Variants in DRP2 observed in about 807,000 individuals in gnomAD.
DRP2 encodes dystrophin related protein 2.
In DRP2, 29 loss-of-function variants were observed where a neutral mutation model predicts 78.2. The observed-to-expected ratio is 0.37, with a 90% confidence interval of 0.28 to 0.51. DRP2 has a LOEUF of 0.51. Ranked by LOEUF, DRP2 falls within the 20% of genes least tolerant of loss-of-function variation. The pLI is 0.94. For synonymous variants in DRP2, 290 were observed against 281.9 expected (o/e 1.03, Z -0.29); for missense variants, 686 against 770.6 (o/e 0.89, Z 1.30).
chrX:101,254,626 G>A, intron 18 of DRP2, 65 bp downstream of exon 18: 1 of 1,193,297 alleles, frequency 8.4e-7, no homozygotes, highest in Admixed American at 2.2e-5. Flanking sequence ...ATGCTGTGAA[G>A]GGGCTGAGTC....
intron 6 of DRP2, 89 bp from the exon 7 acceptor site, chrX:101,241,579 C>G (rs1239031659): frequency 1.1e-5 from 12 of 1,045,993 alleles, no homozygotes; most frequent in African/African-American, 1.1e-4. Flanking sequence ...CACACATACA[C>G]ACACATTTTA....
At chrX:101,245,853 A>G (rs1922915933) in intron 11 of DRP2, among the ~76,000 whole-genome samples, 1 of 111,908 alleles carries the variant, frequency 8.9e-6, no homozygotes, top group Admixed American at 9.5e-5. Context: ...CATATTACCT[A>G]TAGTGAACAA....
At chrX:101,235,764 T>C (rs1922476629) in intron 3 of DRP2, 96 bp from the exon 4 acceptor site, 1 of 927,875 alleles carries the variant, frequency 1.1e-6, no homozygotes, top group Non-Finnish European at 1.5e-6. Context: ...CAGCAACCCT[T>C]CTCTCCCCTT....
chrX:101,233,218 G>T (rs1433531479), intron 3 of DRP2, among the ~76,000 whole-genome samples: 1 of 112,077 alleles, frequency 8.9e-6, no homozygotes, highest in Non-Finnish European at 1.9e-5. Context: ...TGCAGGGAAT[G>T]CAAAGCTAAC....
At chrX:101,259,779 T>A (rs780525645) in intron 22 of DRP2, among the ~76,000 whole-genome samples, 2 of 112,293 alleles carry the variant, frequency 1.8e-5, no homozygotes, top group East Asian at 5.6e-4. Flanking sequence ...ATTACAGGCG[T>A]GAGCCACCGC....
chrX:101,231,409 T>C (rs1043508018), intron 2 of DRP2, 176 bp from the exon 3 acceptor site: 4 of 397,958 alleles, frequency 1.0e-5, no homozygotes, highest in Non-Finnish European at 1.8e-5. Flanking sequence ...AGGTAAACAA[T>C]AAATGCTTCC....
At chrX:101,223,619 T>C (rs1247213220) in intron 1 of DRP2, among the ~76,000 whole-genome samples, 1 of 112,619 alleles carries the variant, frequency 8.9e-6, no homozygotes, top group Non-Finnish European at 1.9e-5. Context: ...AATAGTTTAC[T>C]AACTTACACT....
At chrX:101,256,398 G>A in intron 21 of DRP2, 137 bp downstream of exon 21, 2 of 632,978 alleles carry the variant, frequency 3.2e-6, no homozygotes, top group Non-Finnish European at 4.5e-6. Flanking sequence ...TTCCTTATCT[G>A]TAAAACGGGG....
rs757862034 is a variant in DRP2, at chrX:101,239,829, G to A, written c.559+728G>A. Among the ~76,000 whole-genome samples the A allele has an allele frequency of 1.8e-4, 20 of 111,188 alleles. No homozygotes were observed. The East Asian group carries it at 4.8e-3, about 27-fold the overall frequency. Reference sequence around the variant, plus strand: ...CCTGACCTCGTGATCCACCCACCTCGGCCTCCCAAAGTGCTGGGATTACAG... The same window carrying A: ...CCTGACCTCGTGATCCACCCACCTCAGCCTCCCAAAGTGCTGGGATTACAG... On this transcript the variant is annotated intron_variant, in intron 6 of 23. Coordinates refer to ENST00000395209, the MANE Select transcript of DRP2 (RefSeq NM_001939.3).
Position 101,260,185 on chromosome X carries a change from C to T in DRP2, c.2749+16C>T. On this transcript the variant is annotated intron_variant, in intron 23 of 23. Coordinates refer to ENST00000395209, the MANE Select transcript of DRP2 (RefSeq NM_001939.3). ...GAGGCTGCAGGTGAGTTCCCCTGGC[C>T]TTTCCCAGCCCCTTTCTCCATGGCT... is the stretch of plus-strand genomic sequence containing the variant. 8.3e-7 allele frequency: 1 copy of T among 1,209,555 alleles called. No individual in the cohort carries two copies. Among genetic ancestry groups the T allele is most frequent in the Non-Finnish European group, 1.1e-6 (1 of 894,461 alleles).
At chrX:101,235,590 C>G (rs1922469226) in intron 3 of DRP2, among the ~76,000 whole-genome samples, 1 of 112,403 alleles carries the variant, frequency 8.9e-6, no homozygotes, top group Non-Finnish European at 1.9e-5. Flanking sequence ...GAATGTTAAC[C>G]TTTCCCTAGG....
intron 5 of DRP2, 32 bp from the exon 6 acceptor site, chrX:101,238,949 T>C (rs1922608394): frequency 1.7e-6 from 2 of 1,196,494 alleles, no homozygotes; most frequent in African/African-American, 3.5e-5. Context: ...AAAACTTTCC[T>C]TTCCTGTTGA....
intron 2 of DRP2, among the ~76,000 whole-genome samples, chrX:101,229,322 G>C (rs1298237183): frequency 9.0e-6 from 1 of 111,668 alleles, no homozygotes; most frequent in East Asian, 2.8e-4. Flanking sequence ...TCACAGAGGA[G>C]CCATATTTTC....
rs775703252 is a variant in DRP2, at chrX:101,242,359, G to A, written c.863G>A (p.Gly288Glu). Residue 288 changes from glycine to glutamate, a missense_variant, in exon 8 of 24, where the codon GGA becomes GAA. Transcript: ENST00000395209. ...FKEEFSPMKDGVKLVNDLAHQ... is the reference protein window; with the variant it reads ...FKEEFSPMKDEVKLVNDLAHQ... ...GAAGAATTCTCCCCCATGAAAGATG[G>A]AGTAAAGTTGGTGAATGATCTGGCC... The A allele has an allele frequency of 2.5e-6, 3 of 1,211,427 alleles. No individual in the cohort carries two copies. Among genetic ancestry groups the A allele is most frequent in the South Asian group, 1.8e-5 (1 of 56,797 alleles).
Position 101,256,276 on chromosome X carries a change from A to T in DRP2, c.2390+15A>T, listed in dbSNP as rs754082906. On this transcript the variant is annotated intron_variant, in intron 21 of 23. Transcript: ENST00000395209. ...GATGAGAACCGGTGGGTGTGATGAT[A>T]GCAGAAATCTGTGTGGGTTCTTGAG... 1 of 1,157,706 alleles carries T rather than the reference A, an allele frequency of 8.6e-7. No individual in the cohort carries two copies. Among genetic ancestry groups the T allele is most frequent in the African/African-American group, 1.8e-5 (1 of 55,604 alleles).
In DRP2 at chrX:101,260,057, C is replaced by G; in HGVS notation, c.2637C>G (p.Thr879=). 8.3e-7 allele frequency: 1 copy of G among 1,211,371 alleles called. No individual in the cohort carries two copies. The highest frequency in any genetic ancestry group is 1.1e-6 in the Non-Finnish European group (1 of 895,338). ...GCCTTACCTCTTGCTAGCCACCCAC[C>G]GAATCAGATGGCAGTGGCTCTGCAG... The part of the protein sequence containing the change: ...RLRELLLQPP[T]ESDGSGSAGS... The change falls in exon 23 of 24, where the codon ACC becomes ACG. Residue 879 remains threonine (T), a synonymous_variant. Transcript: ENST00000395209.
rs201671445 is a variant in DRP2 at position 101,260,105 on chromosome X, A to G, written c.2685A>G (p.Pro895=). The change falls in exon 23 of 24, where the codon CCA becomes CCG. Residue 895 remains proline, a synonymous_variant. Transcript: ENST00000395209. ...CAGGCTCGTCCCTAGCTTCCTCTCC[A>G]CAGCAGTCAGAAGGCAGTCACCCCC... ...GSAGSSLASS[P]QQSEGSHPRE... is the part of the protein sequence containing the mutation. 64 of 1,208,984 alleles carry G rather than the reference A, an allele frequency of 5.3e-5. No individual in the cohort carries two copies. The highest frequency in any genetic ancestry group is 2.2e-4 in the Admixed American group (10 of 45,675).
At chrX:101,258,199 G>A (rs1204322973) in intron 21 of DRP2, 110 bp from the exon 22 acceptor site, 2 of 635,804 alleles carry the variant, frequency 3.1e-6, no homozygotes, top group East Asian at 7.2e-5. Flanking sequence ...GGGTGAGGTA[G>A]GGTGGAAGAG....
chrX:101,237,344 C>T (rs1465790364), intron 4 of DRP2, among the ~76,000 whole-genome samples: 1 of 111,314 alleles, frequency 9.0e-6, no homozygotes, highest in Non-Finnish European at 1.9e-5. Flanking sequence ...AACTGAGATC[C>T]ACAAAGTGAC....
Sources: gnomAD v4.1 joint callset for allele counts (sites outside exome capture counted in the v4.1 genomes callset) on GRCh38, gnomAD v4.1.1 for gene constraint, MANE v1.5 for transcripts, NCBI Gene and HGNC (gene_info 2026-07-23, HGNC 2026-07-21) for gene names.